The following SUGCT variants were observed in gnomAD, a reference collection of about 807,000 sequenced individuals.
SUGCT encodes the protein succinyl-CoA:glutarate CoA-transferase.
SUGCT carries 41 observed loss-of-function variants against 55.0 expected under a neutral mutation model. The ratio of observed to expected loss-of-function variants is 0.74; its 90% CI spans 0.58 to 0.97. SUGCT has a LOEUF of 0.97. Among genes scored for constraint, SUGCT ranks in the 50% least tolerant of loss-of-function variants. SUGCT has a pLI of 0.00. For missense variants in SUGCT, 568 were observed against 547.8 expected, an observed-to-expected ratio of 1.04 and a Z score of -0.37; for synonymous variants, 187 against 200.4, an observed-to-expected ratio of 0.93 and a Z score of 0.56.
At chr7:40,523,765 G>A (rs1055087014) in intron 12 of SUGCT, among the ~76,000 whole-genome samples, 1 of 152,060 alleles carries the variant, frequency 6.6e-6, no homozygotes, top group Non-Finnish European at 1.5e-5. Context: ...TCCCATGCAT[G>A]CATGGATTGT....
intron 12 of SUGCT, among the ~76,000 whole-genome samples, chr7:40,542,001 GC>G (rs1225483390): frequency 6.6e-6 from 1 of 152,122 alleles, no homozygotes; most frequent in African/African-American, 2.4e-5. Flanking sequence ...TATGAAGAAA[GC>G]CTTCCACCAG....
chr7:40,660,763 T>A (rs1397209330), intron 12 of SUGCT, among the ~76,000 whole-genome samples: 1 of 152,186 alleles, frequency 6.6e-6, no homozygotes, highest in Non-Finnish European at 1.5e-5. Flanking sequence ...AGTCTCTGAC[T>A]TCCTCTGTTT....
the SUGCT span, among the ~76,000 whole-genome samples, chr7:41,037,473 A>T: frequency 6.6e-6 from 1 of 151,978 alleles, no homozygotes; most frequent in Admixed American, 6.6e-5. Flanking sequence ...AAGATTCTAG[A>T]AAGAAGACAG....
chr7:41,016,532 G>A, the SUGCT span, among the ~76,000 whole-genome samples: 3 of 151,944 alleles, frequency 2.0e-5, no homozygotes, highest in South Asian at 2.1e-4. Flanking sequence ...TTACAACAAC[G>A]TGGTGGAAAA....
intron 9 of SUGCT, among the ~76,000 whole-genome samples, chr7:40,399,188 A>T (rs1222821304): frequency 6.6e-6 from 1 of 152,190 alleles, no homozygotes; most frequent in Non-Finnish European, 1.5e-5. Flanking sequence ...TATTTATACT[A>T]ATTTCTTATT....
At chr7:40,332,201 A>G (rs1796348024) in intron 9 of SUGCT, among the ~76,000 whole-genome samples, 1 of 152,284 alleles carries the variant, frequency 6.6e-6, no homozygotes, top group Admixed American at 6.5e-5. Flanking sequence ...GGAAGTCTGA[A>G]GAGATCTCTC....
At chr7:40,243,109 C>G (rs910584480) in intron 7 of SUGCT, among the ~76,000 whole-genome samples, 2 of 149,912 alleles carry the variant, frequency 1.3e-5, no homozygotes, top group South Asian at 2.1e-4. Context: ...ATCCATCTCT[C>G]TCTCTCTCTA....
intron 9 of SUGCT, among the ~76,000 whole-genome samples, chr7:40,415,780 A>G (rs1194818318): frequency 6.6e-6 from 1 of 152,120 alleles, no homozygotes; most frequent in East Asian, 1.9e-4. Flanking sequence ...TCTACATGGA[A>G]TATATTAATT....
chr7:40,468,463 A>G (rs910724188), intron 11 of SUGCT, among the ~76,000 whole-genome samples: 4 of 151,208 alleles, frequency 2.6e-5, no homozygotes, highest in Admixed American at 6.6e-5. Context: ...TTCTGCCCCT[A>G]CTCTGCTTTT....
the SUGCT span, among the ~76,000 whole-genome samples, chr7:41,034,586 G>T: frequency 4.5e-4 from 68 of 152,256 alleles, no homozygotes; most frequent in African/African-American, 1.6e-3. Flanking sequence ...GGGTAATTGG[G>T]TCCCTAGACA....
At chr7:40,656,780 C>T (rs184664101) in intron 12 of SUGCT, among the ~76,000 whole-genome samples, 27 of 152,262 alleles carry the variant, frequency 1.8e-4, no homozygotes, top group East Asian at 7.7e-4. Context: ...GATGATCTCC[C>T]GAGGGCCAGA....
At chr7:40,141,851 G>A (rs1283781838) in intron 1 of SUGCT, 1 of 426,012 alleles carries the variant, frequency 2.3e-6, no homozygotes, top group South Asian at 1.8e-5. Context: ...ATAGAAGAAT[G>A]CGCCCTTACA....
chr7:40,988,569 T>G, the SUGCT span, among the ~76,000 whole-genome samples: 1 of 152,096 alleles, frequency 6.6e-6, no homozygotes, highest in East Asian at 1.9e-4. Context: ...ATGTGGATAC[T>G]GATACTGGGG....
At chr7:40,548,782 G>C (rs1795147262) in intron 12 of SUGCT, among the ~76,000 whole-genome samples, 2 of 152,102 alleles carry the variant, frequency 1.3e-5, no homozygotes. Context: ...ATCCATCAGT[G>C]TATTATCATA....
intron 12 of SUGCT, among the ~76,000 whole-genome samples, chr7:40,633,594 G>T (rs1799892415): frequency 6.6e-6 from 1 of 152,152 alleles, no homozygotes; most frequent in South Asian, 2.1e-4. Flanking sequence ...CAAGCAATCA[G>T]GTCTTATCTT....
chr7:40,941,948 A>G, the SUGCT span, among the ~76,000 whole-genome samples: 7 of 152,092 alleles, frequency 4.6e-5, no homozygotes, highest in Admixed American at 1.3e-4. Context: ...CCTTGAATCT[A>G]TAAGAGTCTT....
At chr7:40,946,126 G>C in the SUGCT span, among the ~76,000 whole-genome samples, 2 of 150,100 alleles carry the variant, frequency 1.3e-5, no homozygotes, top group African/African-American at 4.9e-5. Flanking sequence ...TTTTTTCATG[G>C]CACTCTGTTC....
chr7:40,231,443 A>G (rs968508239), intron 6 of SUGCT, among the ~76,000 whole-genome samples: 2 of 152,198 alleles, frequency 1.3e-5, no homozygotes, highest in African/African-American at 4.8e-5. Context: ...TAAGTACTTT[A>G]GAGAGAATGA....
intron 12 of SUGCT, among the ~76,000 whole-genome samples, chr7:40,581,926 C>A (rs1296346769): frequency 6.6e-6 from 1 of 151,968 alleles, no homozygotes. Context: ...AATAAATGTC[C>A]CTGCTCCTGC....
Sources: allele counts gnomAD v4.1 joint callset (sites outside exome capture counted in the v4.1 genomes callset), GRCh38; gene constraint gnomAD v4.1.1; transcripts MANE v1.5; gene names NCBI Gene and HGNC (gene_info 2026-07-23, HGNC 2026-07-21).